The following SEMA5A variants were observed in gnomAD, a reference collection of about 807,000 sequenced individuals.
SEMA5A encodes semaphorin-5A.
Under a neutral mutation model 135.5 loss-of-function variants are expected in SEMA5A, and 55 were observed. The ratio of observed to expected loss-of-function variants is 0.41; its 90% CI spans 0.33 to 0.51. The LOEUF (loss-of-function observed/expected upper bound fraction) is 0.51. SEMA5A is among the 20% of genes least tolerant of loss of function. SEMA5A has a pLI of 0.37. For missense variants in SEMA5A, 1,290 were observed against 1,419.9 expected (o/e 0.91, Z 1.47); for synonymous variants, 580 against 546.5 (o/e 1.06, Z -0.85).
chr5:9,383,678 T>C (rs182163063), intron 2 of SEMA5A, among the ~76,000 whole-genome samples: 7 of 152,232 alleles, frequency 4.6e-5, no homozygotes, highest in African/African-American at 7.2e-5. Flanking sequence ...TTACACATAG[T>C]TTTTCAACGT....
At chr5:9,408,201 T>C (rs1756971663) in intron 2 of SEMA5A, among the ~76,000 whole-genome samples, 2 of 151,560 alleles carry the variant, frequency 1.3e-5, no homozygotes, top group African/African-American at 4.9e-5. Context: ...ACCACCACCA[T>C]CACCACCACC....
At chr5:9,257,502 A>C (rs1205054028) in intron 5 of SEMA5A, among the ~76,000 whole-genome samples, 1 of 152,070 alleles carries the variant, frequency 6.6e-6, no homozygotes, top group Non-Finnish European at 1.5e-5. Flanking sequence ...AATGAAGTGC[A>C]AGCTCCCATG....
rs748213334 is a variant in SEMA5A, at chr5:9,202,186, C to T, written c.701G>A (p.Arg234Gln). The stretch of plus-strand genomic sequence containing the variant: ...ACAGTCATGCTCTACTGCATTTTCT[C>T]GGAAAAAGAAGTAGGTAAAATTTCC... ...DIGNFTYFFF[R>Q]ENAVEHDCGK... Residue 234 changes from arginine (R) to glutamine (Q), a missense_variant, in exon 9 of 23, where the codon CGA becomes CAA. By Grantham distance (43) the Arg-to-Gln change is conservative. Transcript: ENST00000382496. The T allele has an allele frequency of 6.8e-6, 11 of 1,613,852 alleles. No individual in the cohort carries two copies. The South Asian group carries it at 7.7e-5, about 11-fold the overall frequency.
chr5:9,449,266 A>G (rs1198561822), intron 1 of SEMA5A, among the ~76,000 whole-genome samples: 1 of 152,214 alleles, frequency 6.6e-6, no homozygotes, highest in African/African-American at 2.4e-5. Context: ...TGTCCTCTGC[A>G]GGGACATGGA....
chr5:9,305,802 CT>C (rs1372982606), intron 5 of SEMA5A, among the ~76,000 whole-genome samples: 3 of 151,386 alleles, frequency 2.0e-5, no homozygotes, highest in Admixed American at 6.6e-5. Context: ...TTCTCCCCTT[CT>C]TTTTTAAGGG....
intron 2 of SEMA5A, among the ~76,000 whole-genome samples, chr5:9,412,052 G>A (rs1170653875): frequency 6.6e-6 from 1 of 152,154 alleles, no homozygotes; most frequent in African/African-American, 2.4e-5. Context: ...ACCTATAGGA[G>A]GATAAACTAA....
At chr5:9,278,357 C>T (rs1750371655) in intron 5 of SEMA5A, among the ~76,000 whole-genome samples, 1 of 152,060 alleles carries the variant, frequency 6.6e-6, no homozygotes, top group Non-Finnish European at 1.5e-5. Flanking sequence ...AGTGTATGTT[C>T]ATATGCATGA....
chr5:9,518,796 T>C (rs562052699), intron 1 of SEMA5A, among the ~76,000 whole-genome samples: 1 of 152,296 alleles, frequency 6.6e-6, no homozygotes, highest in East Asian at 1.9e-4. Context: ...ACAGAGGAGA[T>C]GCTGACTCAA....
chr5:9,380,705 G>A lies in SEMA5A; in HGVS notation c.-77-682C>T, dbSNP rs1805931. Among the ~76,000 whole-genome samples the A allele has an allele frequency of 1.6e-3, 249 of 152,292 alleles. 2 individuals are homozygous for A. The East Asian group carries it at 0.017, about 10-fold the overall frequency. On this transcript the variant is annotated intron_variant, in intron 2 of 22. Coordinates refer to ENST00000382496, the MANE Select transcript of SEMA5A (RefSeq NM_003966.3). ...TATGCTTGGAAACTTTAAAGATTAT[G>A]AACAATTTAAATGATTAACAAGCAT...
chr5:9,344,817 C>T (rs1753793679), intron 3 of SEMA5A, among the ~76,000 whole-genome samples: 1 of 152,050 alleles, frequency 6.6e-6, no homozygotes, highest in Admixed American at 6.6e-5. Flanking sequence ...AGTATAACTC[C>T]TATTGAGGGC....
At chr5:9,169,395 GCT>G (rs1743789276) in intron 11 of SEMA5A, among the ~76,000 whole-genome samples, 1 of 152,110 alleles carries the variant, frequency 6.6e-6, no homozygotes, top group Non-Finnish European at 1.5e-5. Context: ...CTCCATGCTT[GCT>G]TATTAGTCAT....
chr5:9,321,662 C>G (rs1459854833), intron 4 of SEMA5A, among the ~76,000 whole-genome samples: 1 of 152,152 alleles, frequency 6.6e-6, no homozygotes, highest in East Asian at 1.9e-4. Context: ...ATTAATGGTG[C>G]CAACTTCTAT....
chr5:9,181,597 T>C (rs1056853574), intron 11 of SEMA5A, among the ~76,000 whole-genome samples: 3 of 152,060 alleles, frequency 2.0e-5, no homozygotes, highest in Non-Finnish European at 4.4e-5. Flanking sequence ...ACTCAGCCCC[T>C]CAGCCAAGTC....
chr5:9,450,924 T>C (rs1311271134), intron 1 of SEMA5A, among the ~76,000 whole-genome samples: 1 of 152,208 alleles, frequency 6.6e-6, no homozygotes, highest in Non-Finnish European at 1.5e-5. Flanking sequence ...CAACTGCTTT[T>C]TAGGTCTGTG....
chr5:9,195,097 G>C (rs1329271666), intron 10 of SEMA5A, among the ~76,000 whole-genome samples: 1 of 152,184 alleles, frequency 6.6e-6, no homozygotes, highest in Admixed American at 6.5e-5. Context: ...AGTATTTCCT[G>C]TATTCAAGAG....
chr5:9,258,803 C>CTTTTTTT lies in SEMA5A; in HGVS notation c.271-20920_271-20914dup, dbSNP rs748703578. Reference sequence around the variant, plus strand: ...ATTATTTGTCTTTTCTTCTTTCTTTCTTTTTTTTTTTTTTTTTTTTTTTTT... The same window carrying CTTTTTTT: ...ATTATTTGTCTTTTCTTCTTTCTTTCTTTTTTTTTTTTTTTTTTTTTTTTTTTTTTTT... On this transcript the variant is annotated intron_variant, in intron 5 of 22. Coordinates refer to ENST00000382496, the MANE Select transcript of SEMA5A (RefSeq NM_003966.3). Among the ~76,000 whole-genome samples the CTTTTTTT allele has an allele frequency of 4.8e-3, 233 of 48,956 alleles. 29 individuals carry two copies. Among genetic ancestry groups the CTTTTTTT allele is most frequent in the Non-Finnish European group, 5.5e-3 (158 of 28,880 alleles). The allele number at this position is 48,956 out of a possible 152,430, so 32.1% of individuals were successfully genotyped here. A position where few individuals can be genotyped will look rare whatever the true frequency, so the allele number is the denominator to read the frequency against.
intron 1 of SEMA5A, among the ~76,000 whole-genome samples, chr5:9,528,836 T>G (rs745727534): frequency 8.5e-5 from 13 of 152,226 alleles, no homozygotes; most frequent in Non-Finnish European, 1.5e-4. Context: ...CATTTTATTT[T>G]GGGAAGAGGG....
At position 9,384,633 on chromosome 5, in the gene SEMA5A, TAGATAGATAGATAGATAGATAGATAG is replaced by T. The variant is rs1755783881; in HGVS notation, c.-77-4636_-77-4611del. On this transcript the variant is annotated intron_variant, in intron 2 of 22. Coordinates refer to ENST00000382496, the MANE Select transcript of SEMA5A (RefSeq NM_003966.3). ...ATAGATAGATACATAGATAGATAGA[TAGATAGATAGATAGATAGATAGATAG>T]ATATAGATAGATAGATATAGATAGA... Among the ~76,000 whole-genome samples the T allele has an allele frequency of 4.2e-5, 5 of 118,522 alleles. 1 individual carries two copies. The highest frequency in any genetic ancestry group is 8.5e-5 in the Admixed American group (1 of 11,728). 77.8% of individuals were successfully genotyped at this position (118,522 alleles called of 152,430 possible).
chr5:9,186,923 T>C (rs42353), intron 11 of SEMA5A, among the ~76,000 whole-genome samples: 82,312 of 152,002 alleles, frequency 0.54, 23,539 homozygotes, highest in Non-Finnish European at 0.64. Flanking sequence ...CTTCTATCTA[T>C]GTCTGTATCT....
Sources: allele counts gnomAD v4.1 joint callset (sites outside exome capture counted in the v4.1 genomes callset), GRCh38; gene constraint gnomAD v4.1.1; transcripts MANE v1.5; gene names NCBI Gene and HGNC (gene_info 2026-07-23, HGNC 2026-07-21).